Variants in FUT8 observed in about 807,000 individuals in gnomAD.
FUT8 encodes alpha-(1,6)-fucosyltransferase.
Under a neutral mutation model 71.3 loss-of-function variants are expected in FUT8, and 29 were observed. The observed-to-expected ratio is 0.41, with a 90% CI of 0.30 to 0.55. The LOEUF (loss-of-function observed/expected upper bound fraction) is 0.55, where lower values mean the gene tolerates loss of function less well. Ranked by LOEUF, FUT8 falls within the 20% of genes least tolerant of loss-of-function variation. FUT8 has a pLI of 0.34. For synonymous variants in FUT8, 254 were observed against 239.3 expected, an observed-to-expected ratio of 1.06 and a Z score of -0.57; for missense variants, 544 against 702.1, an observed-to-expected ratio of 0.77 and a Z score of 2.55.
Position 65,703,784 on chromosome 14 carries a change from G to A in FUT8, c.836-17991G>A, listed in dbSNP as rs142941822. 2.0e-4 allele frequency among the ~76,000 whole-genome samples: 30 copies of A among 152,234 alleles called. 1 individual carries two copies. The highest frequency in any genetic ancestry group is 6.5e-5 in the Admixed American group (1 of 15,286). ...TTGGTGGAATTTATGATACTAGGGA[G>A]ATTTGCTGCTCCAGTTCCTGTTTTA... On this transcript the variant is annotated intron_variant, in intron 7 of 10. Coordinates refer to ENST00000673929, the MANE Select transcript of FUT8 (RefSeq NM_001371533.1).
intron 6 of FUT8, among the ~76,000 whole-genome samples, chr14:65,649,251 A>G (rs1891247903): frequency 6.6e-6 from 1 of 152,182 alleles, no homozygotes; most frequent in Non-Finnish European, 1.5e-5. Flanking sequence ...TAAGCTTTGG[A>G]CATTTCTCTT....
chr14:65,646,881 A>C (rs1324161586), intron 6 of FUT8, among the ~76,000 whole-genome samples: 1 of 152,224 alleles, frequency 6.6e-6, no homozygotes. Flanking sequence ...TGAAAAATGA[A>C]CATGATAATT....
intron 2 of FUT8, among the ~76,000 whole-genome samples, chr14:65,543,012 C>T (rs375174463): frequency 5.9e-5 from 9 of 152,214 alleles, no homozygotes; most frequent in South Asian, 2.1e-4. Context: ...AAACCCCTGA[C>T]CTCAGGTGAT....
chr14:65,547,222 G>A (rs1885033782), intron 2 of FUT8, among the ~76,000 whole-genome samples: 2 of 150,054 alleles, frequency 1.3e-5, no homozygotes, highest in African/African-American at 4.9e-5. Context: ...ATTTTTCTTT[G>A]TTGTTTATCG....
the FUT8 span, among the ~76,000 whole-genome samples, chr14:65,377,570 T>C: frequency 2.0e-5 from 3 of 152,054 alleles, no homozygotes; most frequent in Admixed American, 6.6e-5. Context: ...ATTGGAAAAA[T>C]AGTCATTCCC....
intron 1 of FUT8, among the ~76,000 whole-genome samples, chr14:65,438,469 C>G (rs1244914082): frequency 6.6e-6 from 1 of 152,124 alleles, no homozygotes; most frequent in Non-Finnish European, 1.5e-5. Context: ...AAAGGAAGAG[C>G]TTTACCATTC....
At chr14:65,505,205 TC>T (rs1390997558) in intron 2 of FUT8, among the ~76,000 whole-genome samples, 1 of 152,156 alleles carries the variant, frequency 6.6e-6, no homozygotes, top group Non-Finnish European at 1.5e-5. Context: ...TTAATTTTTT[TC>T]CTGATGTTTT....
chr14:65,432,017 GTTCT>G (rs1201290095), intron 1 of FUT8, among the ~76,000 whole-genome samples: 1 of 152,140 alleles, frequency 6.6e-6, no homozygotes, highest in Admixed American at 6.5e-5. Flanking sequence ...TACTAAAACT[GTTCT>G]TTCTGTTGTT....
chr14:65,703,489 A>G (rs937273679), intron 7 of FUT8, among the ~76,000 whole-genome samples: 1 of 152,248 alleles, frequency 6.6e-6, no homozygotes, highest in Non-Finnish European at 1.5e-5. Context: ...TATAGATTGT[A>G]AAGTATTAAT....
At chr14:65,389,231 G>C in the FUT8 span, among the ~76,000 whole-genome samples, 1 of 151,494 alleles carries the variant, frequency 6.6e-6, no homozygotes, top group East Asian at 1.9e-4. Flanking sequence ...TTGAGACAAG[G>C]TCTCATTCTG....
chr14:65,592,077 A>G (rs1246230608), intron 3 of FUT8, among the ~76,000 whole-genome samples: 1 of 152,132 alleles, frequency 6.6e-6, no homozygotes, highest in East Asian at 1.9e-4. Flanking sequence ...GGGATTAATT[A>G]TGAAGATTTT....
At chr14:65,602,830 T>A (rs958615813) in intron 3 of FUT8, among the ~76,000 whole-genome samples, 1 of 151,982 alleles carries the variant, frequency 6.6e-6, no homozygotes, top group African/African-American at 2.4e-5. Context: ...TTTTGAGAAT[T>A]GTCTTATTCA....
intron 2 of FUT8, among the ~76,000 whole-genome samples, chr14:65,557,201 G>A (rs1885629481): frequency 6.6e-6 from 1 of 151,998 alleles, no homozygotes; most frequent in Admixed American, 6.6e-5. Flanking sequence ...TATTGTTCCA[G>A]AGACATTAAA....
At chr14:65,458,405 T>C (rs1199904462) in intron 2 of FUT8, among the ~76,000 whole-genome samples, 2 of 152,220 alleles carry the variant, frequency 1.3e-5, no homozygotes, top group Non-Finnish European at 2.9e-5. Context: ...AAAGTCAGTT[T>C]AAACTTTCTT....
At chr14:65,359,981 C>T in the FUT8 span, among the ~76,000 whole-genome samples, 1 of 152,084 alleles carries the variant, frequency 6.6e-6, no homozygotes, top group Non-Finnish European at 1.5e-5. Context: ...TACAGGCACA[C>T]ACCACCACAC....
Position 65,715,536 on chromosome 14 carries a change from G to A in FUT8, c.836-6239G>A, listed in dbSNP as rs377691983. ...TTGCTCTAGTTTTGTGGTTCTTTAA[G>A]ATGCATCATTAGGTCATTTATTTGA... On this transcript the variant is annotated intron_variant, in intron 7 of 10. Coordinates refer to ENST00000673929, the MANE Select transcript of FUT8 (RefSeq NM_001371533.1). Among the ~76,000 whole-genome samples, 9 of 152,212 alleles carry A rather than the reference G, an allele frequency of 5.9e-5. No homozygotes were observed. In the East Asian group the frequency reaches 1.5e-3, roughly 26 times the overall value.
At chr14:65,602,341 TCTCACACACACACACA>T (rs1358072767) in intron 3 of FUT8, among the ~76,000 whole-genome samples, 1,381 of 50,056 alleles carry the variant, frequency 0.028, 73 homozygotes, top group East Asian at 0.092. Flanking sequence ...GCGTTCCATC[TCTCACACACACACACA>T]CACACACACA....
At position 65,629,852 on chromosome 14, in the gene FUT8, A is replaced by ACT. The variant is rs1890092473; in HGVS notation, c.597+247_597+248insTC. ...CGTACACACACACACACACACACACACACACAATACAATACAAATATAACA... is the reference window on the plus strand; with the variant it reads ...CGTACACACACACACACACACACACACTCACACAATACAATACAAATATAACA... On this transcript the variant is annotated intron_variant, in intron 6 of 10. Transcript: ENST00000673929. Among the ~76,000 whole-genome samples the ACT allele has an allele frequency of 2.6e-5, 4 of 151,636 alleles. No homozygotes were observed. The South Asian group carries it at 8.3e-4, about 32-fold the overall frequency.
intron 1 of FUT8, among the ~76,000 whole-genome samples, chr14:65,429,974 G>C (rs1220121959): frequency 6.7e-6 from 1 of 150,108 alleles, no homozygotes; most frequent in African/African-American, 2.4e-5. Context: ...GGAAATAAAT[G>C]TAGAACTCTC....
Sources: allele counts gnomAD v4.1 joint callset (sites outside exome capture counted in the v4.1 genomes callset), GRCh38; gene constraint gnomAD v4.1.1; transcripts MANE v1.5; gene names NCBI Gene and HGNC (gene_info 2026-07-23, HGNC 2026-07-21).